The following SYT14 variants were observed in gnomAD, a reference collection of about 807,000 sequenced individuals.
SYT14 encodes the protein synaptotagmin-14.
In SYT14, 32 loss-of-function variants were observed where a neutral mutation model predicts 74.2. The ratio of observed to expected loss-of-function variants is 0.43; its 90% confidence interval spans 0.33 to 0.58. The LOEUF (loss-of-function observed/expected upper bound fraction) is 0.58, where lower values mean the gene tolerates loss of function less well. SYT14 is among the 20% of genes least tolerant of loss of function. The probability of loss-of-function intolerance (pLI) is 0.05; values close to 1 mark genes in which losing one functional copy is unlikely to be tolerated. For missense variants in SYT14, 791 were observed against 981.8 expected, an observed-to-expected ratio of 0.81 and a Z score of 2.60; for synonymous variants, 298 against 337.7, an observed-to-expected ratio of 0.88 and a Z score of 1.29.
chr1:210,005,045 T>C (rs2079965732), intron 2 of SYT14, among the ~76,000 whole-genome samples: 1 of 151,968 alleles, frequency 6.6e-6, no homozygotes, highest in Non-Finnish European at 1.5e-5. Context: ...CTCATTTATT[T>C]AGTGGATAAG....
exon 10 of SYT14, chr1:210,163,842 A>G (rs1353967262): frequency 2.2e-6 from 1 of 453,684 alleles, no homozygotes; most frequent in East Asian, 6.9e-5. Context: ...CTTAATAGCA[A>G]AATCTTCTAT....
intron 5 of SYT14, among the ~76,000 whole-genome samples, chr1:210,058,958 A>G (rs2081150029): frequency 6.6e-6 from 1 of 152,184 alleles, no homozygotes; most frequent in African/African-American, 2.4e-5. Flanking sequence ...ACAAAAGCAA[A>G]TACATATATA....
At chr1:210,073,603 T>C (rs1455651250) in intron 5 of SYT14, among the ~76,000 whole-genome samples, 4 of 152,074 alleles carry the variant, frequency 2.6e-5, no homozygotes, top group African/African-American at 7.2e-5. Flanking sequence ...TTTATTGATA[T>C]ATACTCCCCA....
At chr1:209,974,720 TTAAAG>T (rs1051621792) in intron 2 of SYT14, among the ~76,000 whole-genome samples, 52 of 152,260 alleles carry the variant, frequency 3.4e-4, no homozygotes, top group African/African-American at 1.2e-3. Flanking sequence ...CATATGAACT[TTAAAG>T]TAGTTTTTTC....
In SYT14 at chr1:210,031,782, G is replaced by A. The variant is rs113209611; in HGVS notation, c.1312+10528G>A. On this transcript the variant is annotated intron_variant, in intron 5 of 9. Coordinates refer to ENST00000637265, the Ensembl canonical transcript of SYT14. ...TATCTCTTTCTCAGGTTGTTTTCTT[G>A]TTATAGCTTTTACCTGATTAATGCC... 8.1e-3 allele frequency among the ~76,000 whole-genome samples: 1,227 copies of A among 152,072 alleles called. 20 individuals are homozygous for A. Among genetic ancestry groups the A allele is most frequent in the African/African-American group, 0.028 (1,171 of 41,494 alleles).
chr1:210,056,860 T>G lies in SYT14; in HGVS notation c.1312+35606T>G, dbSNP rs199839932. ...TTATTATTTATTTATTTATTTATTT[T>G]TGAGACTCAGTCTTGCTCTGTCACC... is the stretch of plus-strand genomic sequence containing the variant. On this transcript the variant is annotated intron_variant, in intron 5 of 9. Transcript: ENST00000637265. Among the ~76,000 whole-genome samples, 11 of 75,004 alleles carry G rather than the reference T, an allele frequency of 1.5e-4. No homozygotes were observed. In the Admixed American group the frequency reaches 1.8e-3, roughly 12 times the overall value. 49.2% of individuals were successfully genotyped at this position (75,004 alleles called of 152,430 possible).
chr1:210,059,439 T>TAGAGAGAGAGAGAGAGAGAG (rs1394279839), intron 5 of SYT14, among the ~76,000 whole-genome samples: 1 of 92,770 alleles, frequency 1.1e-5, no homozygotes, highest in East Asian at 2.8e-4. Flanking sequence ...TATATATATA[T>TAGAGAGAGAGAGAGAGAGAG]ATATATATAT....
At chr1:209,951,095 A>G (rs191791983) in intron 1 of SYT14, among the ~76,000 whole-genome samples, 3 of 152,340 alleles carry the variant, frequency 2.0e-5, no homozygotes, top group East Asian at 1.9e-4. Flanking sequence ...AAGCCAATTA[A>G]CATATCAGTC....
At chr1:210,161,275 A>G (rs932325589) in exon 10 of SYT14, 6 of 643,794 alleles carry the variant, frequency 9.3e-6, no homozygotes, top group Admixed American at 2.1e-5. Context: ...ATCATTGCTA[A>G]ACTAACAGTC....
chr1:210,107,648 A>C (rs1176173448), intron 7 of SYT14, among the ~76,000 whole-genome samples: 1 of 152,186 alleles, frequency 6.6e-6, no homozygotes, highest in Non-Finnish European at 1.5e-5. Flanking sequence ...TTAGAAAATA[A>C]TCAGCAAGGA....
intron 2 of SYT14, among the ~76,000 whole-genome samples, chr1:209,965,143 T>C (rs2079134817): frequency 6.6e-6 from 1 of 152,216 alleles, no homozygotes; most frequent in South Asian, 2.1e-4. Context: ...ATTAATATAC[T>C]GTGTGATGCT....
intron 5 of SYT14, among the ~76,000 whole-genome samples, chr1:210,052,147 T>G (rs1202077698): frequency 6.6e-6 from 1 of 152,178 alleles, no homozygotes; most frequent in Non-Finnish European, 1.5e-5. Context: ...TTATTTGGAT[T>G]CTAATTATAG....
chr1:209,944,095 A>G (rs972175949), intron 1 of SYT14, among the ~76,000 whole-genome samples: 1 of 152,232 alleles, frequency 6.6e-6, no homozygotes, highest in African/African-American at 2.4e-5. Context: ...TCATCATGAG[A>G]TAGAAGTTTT....
intron 2 of SYT14, among the ~76,000 whole-genome samples, chr1:210,008,366 A>ATTTTTTT (rs11382937): frequency 6.7e-6 from 1 of 149,900 alleles, no homozygotes; most frequent in African/African-American, 2.5e-5. Context: ...TTTAAATAGA[A>ATTTTTTT]TTTTTTTTTT....
At chr1:210,149,162 A>G (rs2083106984) in intron 7 of SYT14, among the ~76,000 whole-genome samples, 1 of 150,522 alleles carries the variant, frequency 6.6e-6, no homozygotes, top group East Asian at 2.0e-4. Flanking sequence ...ATATACATAA[A>G]TTTTGATTAT....
At chr1:210,137,622 G>A (rs17015638) in intron 7 of SYT14, among the ~76,000 whole-genome samples, 19,630 of 149,684 alleles carry the variant, frequency 0.13, 4,123 homozygotes, top group African/African-American at 0.44. Flanking sequence ...AGAGTAGGTT[G>A]ATTTGAACCA....
At position 210,005,696 on chromosome 1, in the gene SYT14, A is replaced by G. The variant is rs369704855; in HGVS notation, c.-485-7937A>G. 6.6e-5 allele frequency among the ~76,000 whole-genome samples: 10 copies of G among 152,068 alleles called. No individual in the cohort carries two copies. In the East Asian group the frequency reaches 1.2e-3, roughly 18 times the overall value. On this transcript the variant is annotated intron_variant, in intron 2 of 9. Transcript: ENST00000637265. ...CTTAGTCTAAAACTTCATTAGAATCATAATTCTAAAGCCTCAATCAAGACT... is the reference window on the plus strand; with the variant it reads ...CTTAGTCTAAAACTTCATTAGAATCGTAATTCTAAAGCCTCAATCAAGACT...
chr1:210,044,068 A>C (rs1392136113), intron 5 of SYT14, among the ~76,000 whole-genome samples: 1 of 152,172 alleles, frequency 6.6e-6, no homozygotes, highest in Non-Finnish European at 1.5e-5. Context: ...AGTAGACCCC[A>C]GAAGTTATGT....
intron 5 of SYT14, among the ~76,000 whole-genome samples, chr1:210,029,797 T>C (rs2080489351): frequency 6.6e-6 from 1 of 152,180 alleles, no homozygotes; most frequent in Admixed American, 6.5e-5. Context: ...TCATTGGAAT[T>C]TTGTGGAGGT....
Sources: allele counts gnomAD v4.1 joint callset (sites outside exome capture counted in the v4.1 genomes callset), GRCh38; gene constraint gnomAD v4.1.1; transcripts MANE v1.5; gene names NCBI Gene and HGNC (gene_info 2026-07-23, HGNC 2026-07-21).